Variants in DCC observed in about 807,000 individuals in gnomAD.
The protein encoded by DCC is netrin receptor DCC.
DCC carries 58 observed loss-of-function variants against 172.5 expected under a neutral mutation model. The ratio of observed to expected loss-of-function variants is 0.34; its 90% confidence interval spans 0.27 to 0.42. The LOEUF is 0.42. DCC is among the 10% of genes least tolerant of loss of function. The probability of loss-of-function intolerance (pLI) is 1.00; values close to 1 mark genes in which losing one functional copy is unlikely to be tolerated. For synonymous variants in DCC, 709 were observed against 644.5 expected, an observed-to-expected ratio of 1.10 and a Z score of -1.52; for missense variants, 1,740 against 1,791.0, an observed-to-expected ratio of 0.97 and a Z score of 0.51.
chr18:52,872,888 C>A (rs1175922049), intron 2 of DCC, among the ~76,000 whole-genome samples: 1 of 152,058 alleles, frequency 6.6e-6, no homozygotes, highest in Non-Finnish European at 1.5e-5. Flanking sequence ...TATTTCTTTG[C>A]CCTCCTCTGG....
intron 12 of DCC, among the ~76,000 whole-genome samples, chr18:53,296,940 T>TA (rs1192257753): frequency 6.6e-6 from 1 of 152,204 alleles, no homozygotes; most frequent in Non-Finnish European, 1.5e-5. Flanking sequence ...CCATCTTTTT[T>TA]AAAAAAGGCT....
At chr18:52,837,684 C>G (rs2038730534) in intron 2 of DCC, among the ~76,000 whole-genome samples, 1 of 152,200 alleles carries the variant, frequency 6.6e-6, no homozygotes, top group East Asian at 1.9e-4. Flanking sequence ...GCCCTCCAAA[C>G]TGTTCCAATC....
At chr18:53,288,311 T>C (rs1428803671) in intron 12 of DCC, among the ~76,000 whole-genome samples, 1 of 152,154 alleles carries the variant, frequency 6.6e-6, no homozygotes, top group African/African-American at 2.4e-5. Context: ...AGGAACTTTT[T>C]CCTAATAACT....
At chr18:52,346,596 C>A (rs565503397) in intron 1 of DCC, among the ~76,000 whole-genome samples, 1 of 152,046 alleles carries the variant, frequency 6.6e-6, no homozygotes, top group African/African-American at 2.4e-5. Context: ...ATTGAATATG[C>A]CTTCTTTTTC....
chr18:53,252,024 C>A (rs1004132595), intron 12 of DCC, among the ~76,000 whole-genome samples: 1 of 151,790 alleles, frequency 6.6e-6, no homozygotes, highest in African/African-American at 2.4e-5. Flanking sequence ...GTCTGATCCT[C>A]CACAATATGT....
At chr18:53,039,513 C>A (rs537471514) in intron 5 of DCC, among the ~76,000 whole-genome samples, 1 of 152,074 alleles carries the variant, frequency 6.6e-6, no homozygotes, top group East Asian at 1.9e-4. Flanking sequence ...AGATTTACTG[C>A]ATATTTGTGA....
intron 12 of DCC, among the ~76,000 whole-genome samples, chr18:53,223,692 T>G (rs2055977650): frequency 6.6e-6 from 1 of 152,198 alleles, no homozygotes; most frequent in South Asian, 2.1e-4. Flanking sequence ...TGATTTGATT[T>G]TAAAGATGTT....
chr18:52,920,380 A>G (rs1361276000), intron 3 of DCC, among the ~76,000 whole-genome samples: 1 of 152,170 alleles, frequency 6.6e-6, no homozygotes, highest in African/African-American at 2.4e-5. Flanking sequence ...TTAAAAATAG[A>G]TAAAAGATCT....
In DCC at chr18:52,577,490, A is replaced by G. The variant is rs140565831; in HGVS notation, c.92-174564A>G. 3.1e-3 allele frequency among the ~76,000 whole-genome samples: 478 copies of G among 152,324 alleles called. 3 individuals carry two copies. Among genetic ancestry groups the G allele is most frequent in the African/African-American group, 0.011 (459 of 41,574 alleles). ...CGTTTGCAATAGAAAGTTCAAGCAG[A>G]ATCCCAAAGTTGAATTCTTAAGTTG... On this transcript the variant is annotated intron_variant, in intron 1 of 28. Transcript: ENST00000442544.
intron 1 of DCC, among the ~76,000 whole-genome samples, chr18:52,500,327 C>A (rs1201167183): frequency 6.6e-6 from 1 of 152,118 alleles, no homozygotes; most frequent in Non-Finnish European, 1.5e-5. Flanking sequence ...TGAACAGAAA[C>A]ACTTTGAGCA....
At chr18:52,546,837 TG>T (rs2032631151) in intron 1 of DCC, among the ~76,000 whole-genome samples, 1 of 152,066 alleles carries the variant, frequency 6.6e-6, no homozygotes, top group African/African-American at 2.4e-5. Context: ...ATAAAGCAGA[TG>T]GGAACTGCAT....
chr18:53,414,334 A>G (rs1044090464), intron 20 of DCC, among the ~76,000 whole-genome samples: 3 of 152,164 alleles, frequency 2.0e-5, no homozygotes, highest in African/African-American at 7.2e-5. Flanking sequence ...GTGGTAGATC[A>G]TATACTGTGT....
chr18:53,410,611 C>T lies in DCC; in HGVS notation c.3095C>T (p.Pro1032Leu). 6.2e-7 allele frequency: 1 copy of T among 1,609,736 alleles called. No individual in the cohort carries two copies. The highest frequency in any genetic ancestry group is 8.5e-7 in the Non-Finnish European group (1 of 1,176,032). The change falls in exon 20 of 29, where the codon CCA becomes CTA. Residue 1032 changes from proline (P) to leucine (L), a missense_variant. Coordinates refer to ENST00000442544, the MANE Select transcript of DCC (RefSeq NM_005215.4). ...GCACGAAATTCAAAAGGAGTGGGGCCACTCTCTGATCCTATCCTCTTCAGG... is the reference window on the plus strand; with the variant it reads ...GCACGAAATTCAAAAGGAGTGGGGCTACTCTCTGATCCTATCCTCTTCAGG... ...IQARNSKGVG[P>L]LSDPILFRTL...
intron 1 of DCC, among the ~76,000 whole-genome samples, chr18:52,541,114 G>C (rs1266971593): frequency 1.3e-5 from 2 of 152,192 alleles, no homozygotes; most frequent in East Asian, 3.9e-4. Context: ...CTGAGAATAA[G>C]ATGGCTCAGT....
chr18:52,877,291 T>A (rs899198417), intron 2 of DCC, among the ~76,000 whole-genome samples: 4 of 152,158 alleles, frequency 2.6e-5, no homozygotes, highest in Non-Finnish European at 5.9e-5. Context: ...ACTGAAAGTG[T>A]CTCCAGACAT....
At chr18:53,494,039 T>C (rs1418284962) in intron 26 of DCC, among the ~76,000 whole-genome samples, 2 of 152,208 alleles carry the variant, frequency 1.3e-5, no homozygotes, top group Non-Finnish European at 2.9e-5. Context: ...TTTGTTCTCA[T>C]TGGTTTCAAA....
At chr18:53,249,595 A>G (rs1450413148) in intron 12 of DCC, among the ~76,000 whole-genome samples, 2 of 151,952 alleles carry the variant, frequency 1.3e-5, no homozygotes, top group Non-Finnish European at 2.9e-5. Flanking sequence ...ACCAAATTTG[A>G]TTCTGAACTG....
intron 1 of DCC, among the ~76,000 whole-genome samples, chr18:52,444,434 A>G (rs74768822): frequency 0.028 from 4,249 of 152,286 alleles, 166 homozygotes; most frequent in African/African-American, 0.084. Context: ...AAAACAAACA[A>G]TAGTAAAGCC....
chr18:52,518,306 GT>G (rs2031702317), intron 1 of DCC, among the ~76,000 whole-genome samples: 2 of 152,214 alleles, frequency 1.3e-5, no homozygotes, highest in Admixed American at 6.5e-5. Context: ...GCTGGGAGGG[GT>G]CAGGGTAGAG....
Sources: allele counts gnomAD v4.1 joint callset (sites outside exome capture counted in the v4.1 genomes callset), GRCh38; gene constraint gnomAD v4.1.1; transcripts MANE v1.5; gene names NCBI Gene and HGNC (gene_info 2026-07-23, HGNC 2026-07-21).